The following NMBR variants were observed in gnomAD, a reference collection of about 807,000 sequenced individuals.
NMBR encodes the protein neuromedin B receptor, also known as neuromedin-B receptor.
NMBR carries 16 observed loss-of-function variants against 20.5 expected under a neutral mutation model. The observed-to-expected ratio is 0.78, with a 90% CI of 0.53 to 1.19. The LOEUF is 1.19. Among genes scored for constraint, NMBR ranks in the 50% most tolerant of loss-of-function variants. The pLI, the probability that NMBR is intolerant of heterozygous loss-of-function variation, is 0.00. For synonymous variants in NMBR, 212 were observed against 196.6 expected (o/e 1.08, Z -0.65); for missense variants, 582 against 499.1 (o/e 1.17, Z -1.58).
intron 1 of NMBR, among the ~76,000 whole-genome samples, chr6:142,133,662 T>G (rs1438487529): frequency 6.6e-6 from 1 of 152,158 alleles, no homozygotes; most frequent in Non-Finnish European, 1.5e-5. Flanking sequence ...AACTATTGCT[T>G]TTCATATTTT....
At chr6:142,139,811 C>G (rs575680312) in intron 1 of NMBR, among the ~76,000 whole-genome samples, 1 of 152,224 alleles carries the variant, frequency 6.6e-6, no homozygotes, top group South Asian at 2.1e-4. Context: ...ATAATAAATG[C>G]TATATATCAA....
intron 1 of NMBR, among the ~76,000 whole-genome samples, chr6:142,110,696 A>G (rs1286126056): frequency 6.6e-6 from 1 of 152,178 alleles, no homozygotes; most frequent in Admixed American, 6.5e-5. Flanking sequence ...ATTTAATTGT[A>G]CACTTTAAAT....
At chr6:142,097,920 TA>T (rs1777490493) in intron 1 of NMBR, among the ~76,000 whole-genome samples, 1 of 152,026 alleles carries the variant, frequency 6.6e-6, no homozygotes. Flanking sequence ...TTCATAAAAT[TA>T]GCAGCAGAAA....
At chr6:142,136,142 T>A (rs1288767137) in intron 1 of NMBR, among the ~76,000 whole-genome samples, 2 of 152,192 alleles carry the variant, frequency 1.3e-5, no homozygotes, top group East Asian at 3.9e-4. Context: ...TTTCTCCACA[T>A]CCTCTCCAGC....
intron 1 of NMBR, among the ~76,000 whole-genome samples, chr6:142,116,249 TC>T (rs1368819803): frequency 6.6e-6 from 1 of 151,850 alleles, no homozygotes. Context: ...CCCCTTCTTC[TC>T]TTCACCCTCT....
chr6:142,137,442 A>C (rs934032468), intron 1 of NMBR, among the ~76,000 whole-genome samples: 3 of 152,138 alleles, frequency 2.0e-5, no homozygotes, highest in African/African-American at 4.8e-5. Flanking sequence ...AATCTGCAAA[A>C]AGGGACAATT....
chr6:142,099,129 T>G (rs1239995822), intron 1 of NMBR, among the ~76,000 whole-genome samples: 1 of 152,128 alleles, frequency 6.6e-6, no homozygotes, highest in Non-Finnish European at 1.5e-5. Flanking sequence ...AACCTAGACA[T>G]AGAGTTTACA....
Position 142,075,962 on chromosome 6 carries a change from T to C in NMBR, c.859A>G (p.Met287Val), listed in dbSNP as rs764817361. The change falls in exon 4 of 4, where the codon ATG becomes GTG. Residue 287 changes from methionine (M) to valine (V), a missense_variant. Met to Val is a conservative substitution (Grantham distance 21). Transcript: ENST00000258042. ...FCWFPNHILYMYRSFNYNEID... is the reference protein window; with the variant it reads ...FCWFPNHILYVYRSFNYNEID... ...TCATTATAGTTGAAAGACCGATACA[T>C]GTAAAGGATGTGGTTTGGAAACCAA... 1.9e-6 allele frequency: 3 copies of C among 1,613,602 alleles called. No individual in the cohort carries two copies. Among genetic ancestry groups the C allele is most frequent in the South Asian group, 1.1e-5 (1 of 91,036 alleles).
intron 1 of NMBR, among the ~76,000 whole-genome samples, chr6:142,111,443 G>A (rs1054357366): frequency 2.0e-5 from 3 of 152,074 alleles, no homozygotes; most frequent in Non-Finnish European, 4.4e-5. Flanking sequence ...GAGAAAAGTT[G>A]CTTTGGTTAC....
In NMBR at chr6:142,111,054, A is replaced by G. The variant is rs561007130; in HGVS notation, c.-663-21733T>C. 2.0e-5 allele frequency among the ~76,000 whole-genome samples: 3 copies of G among 152,258 alleles called. No homozygotes were observed. The South Asian group carries it at 6.2e-4, about 32-fold the overall frequency. On this transcript the variant is annotated intron_variant, in intron 1 of 3. Transcript: ENST00000258042. ...CAGGAGCTTGAGACGAGCCTGGCCA[A>G]CATGGTGAAATCCTGTCTCTACTGA...
intron 1 of NMBR, among the ~76,000 whole-genome samples, chr6:142,122,637 C>G (rs1213404252): frequency 6.6e-6 from 1 of 151,852 alleles, no homozygotes; most frequent in African/African-American, 2.4e-5. Flanking sequence ...TTGTTAGGAG[C>G]TAATACAGTT....
chr6:142,093,305 C>A, intron 1 of NMBR, among the ~76,000 whole-genome samples: 1 of 100,796 alleles, frequency 9.9e-6, no homozygotes, highest in African/African-American at 3.9e-5. Context: ...CTCCCCCCTC[C>A]CCCCACCCCA....
rs573959336 is a variant in NMBR, at chr6:142,108,934, A to C, written c.-663-19613T>G. On this transcript the variant is annotated intron_variant, in intron 1 of 3. Transcript: ENST00000258042. ...AGCAAGTTACTTACTTCCTAGATAC[A>C]ATGAGAGTACCGGCATTGGATAAAC... is the stretch of plus-strand genomic sequence containing the variant. Among the ~76,000 whole-genome samples, 96 of 152,320 alleles carry C rather than the reference A, an allele frequency of 6.3e-4. No individual in the cohort carries two copies. In the South Asian group the frequency reaches 0.013, roughly 21 times the overall value.
Position 142,093,102 on chromosome 6 carries a change from T to C in NMBR, c.-663-3781A>G, listed in dbSNP as rs1050005714. Among the ~76,000 whole-genome samples the C allele has an allele frequency of 5.9e-5, 9 of 152,062 alleles. 1 individual carries two copies. In the South Asian group the frequency reaches 1.5e-3, roughly 25 times the overall value. ...AAAGCAAGGATTAAAATGGTAAAAC[T>C]AGTTCTAAGAAACCTGATGGTATCT... On this transcript the variant is annotated intron_variant, in intron 1 of 3. Transcript: ENST00000258042.
At chr6:142,090,582 C>T (rs975593645) in intron 1 of NMBR, among the ~76,000 whole-genome samples, 5 of 148,866 alleles carry the variant, frequency 3.4e-5, no homozygotes, top group African/African-American at 1.2e-4. Context: ...TATAAATATT[C>T]TATTTATATT....
chr6:142,144,892 T>G (rs1778406468), intron 1 of NMBR, among the ~76,000 whole-genome samples: 1 of 151,740 alleles, frequency 6.6e-6, no homozygotes, highest in African/African-American at 2.4e-5. Context: ...GCCATAGTGT[T>G]ATGTGCCTGT....
At chr6:142,134,666 TA>T in intron 1 of NMBR, 1 of 695,444 alleles carries the variant, frequency 1.4e-6, no homozygotes, top group South Asian at 1.5e-5. Flanking sequence ...CTCTCTGTTT[TA>T]TTAAGAATTA....
intron 1 of NMBR, among the ~76,000 whole-genome samples, chr6:142,105,634 A>T (rs959623916): frequency 4.6e-5 from 7 of 152,170 alleles, no homozygotes; most frequent in Non-Finnish European, 1.0e-4. Flanking sequence ...TTTTCTCATT[A>T]AAAGCACATT....
At chr6:142,101,142 T>TATTTCCAGATCCA (rs2114580676) in intron 1 of NMBR, among the ~76,000 whole-genome samples, 1 of 152,302 alleles carries the variant, frequency 6.6e-6, no homozygotes, top group South Asian at 2.1e-4. Flanking sequence ...ACAACCAGAT[T>TATTTCCAGATCCA]GGTTATAGAT....
Sources: gnomAD v4.1 joint callset for allele counts (sites outside exome capture counted in the v4.1 genomes callset) on GRCh38, gnomAD v4.1.1 for gene constraint, MANE v1.5 for transcripts, NCBI Gene and HGNC (gene_info 2026-07-23, HGNC 2026-07-21) for gene names.